HS6ST2: variants seen among roughly 807,000 people sequenced by gnomAD.
HS6ST2 encodes heparan sulfate 6-O-sulfotransferase 2.
In HS6ST2, 17 loss-of-function variants were observed where a neutral mutation model predicts 33.0. That is an observed-to-expected ratio of 0.52 (90% CI 0.35 to 0.77). The LOEUF is 0.77. HS6ST2 is among the 30% of genes least tolerant of loss of function. HS6ST2 has a pLI of 0.01. For missense variants in HS6ST2, 519 were observed against 551.7 expected (o/e 0.94, Z 0.59); for synonymous variants, 248 against 237.1 (o/e 1.05, Z -0.42).
chrX:132,859,754 AAGGAAGGGAGGG>A (rs1483753894), intron 2 of HS6ST2, among the ~76,000 whole-genome samples: 2 of 86,266 alleles, frequency 2.3e-5, no homozygotes, highest in Admixed American at 1.3e-4. Context: ...GAAAGAAAGG[AAGGAAGGGAGGG>A]AGGAAGGGAG....
In HS6ST2 at chrX:132,821,402, C is replaced by T. The variant is rs757461771; in HGVS notation, c.948-112908G>A. ...TAATTTTTTGTATTTTTAGTAGAGA[C>T]GGGGTTTCACCGTGTTAGCCAGGAT... On this transcript the variant is annotated intron_variant, in intron 2 of 4. Coordinates refer to ENST00000370833, the MANE Select transcript of HS6ST2 (RefSeq NM_001394073.1). Among the ~76,000 whole-genome samples, 111 of 109,121 alleles carry T rather than the reference C, an allele frequency of 1.0e-3. 1 individual carries two copies. The highest frequency in any genetic ancestry group is 1.8e-3 in the Admixed American group (18 of 10,199). The allele number at this position is 109,121 out of a possible 115,157, so 94.8% of individuals were successfully genotyped here. A position where few individuals can be genotyped will look rare whatever the true frequency, so the allele number is the denominator to read the frequency against.
At chrX:132,725,995 T>C (rs2064388278) in intron 2 of HS6ST2, among the ~76,000 whole-genome samples, 2 of 107,377 alleles carry the variant, frequency 1.9e-5, no homozygotes, top group African/African-American at 3.4e-5. Flanking sequence ...AGTGGAGGGA[T>C]AGTTACCAGA....
intron 2 of HS6ST2, among the ~76,000 whole-genome samples, chrX:132,813,556 C>T (rs1205979183): frequency 2.7e-5 from 3 of 111,785 alleles, no homozygotes; most frequent in African/African-American, 9.8e-5. Context: ...CCTTCCTTTT[C>T]TAAACCGATG....
intron 3 of HS6ST2, among the ~76,000 whole-genome samples, chrX:132,694,534 C>G (rs964509723): frequency 3.6e-5 from 4 of 111,390 alleles, no homozygotes; most frequent in Non-Finnish European, 7.5e-5. Context: ...TTGCAGGAAC[C>G]TTGCAGGGTT....
intron 2 of HS6ST2, among the ~76,000 whole-genome samples, chrX:132,895,417 T>C (rs187516543): frequency 9.3e-4 from 104 of 111,626 alleles, no homozygotes; most frequent in African/African-American, 3.3e-3. Flanking sequence ...ATGTCATGTA[T>C]ACTTCTCTTC....
intron 2 of HS6ST2, among the ~76,000 whole-genome samples, chrX:132,772,804 T>G (rs1569489095): frequency 2.2e-5 from 2 of 91,416 alleles, no homozygotes; most frequent in Non-Finnish European, 2.0e-5. Context: ...TAATATAAAA[T>G]ATAATATATA....
intron 2 of HS6ST2, among the ~76,000 whole-genome samples, chrX:132,920,603 G>C (rs1226427715): frequency 9.0e-6 from 1 of 111,555 alleles, no homozygotes; most frequent in Non-Finnish European, 1.9e-5. Context: ...TGATTTAAAA[G>C]AAAAAAAACA....
intron 2 of HS6ST2, among the ~76,000 whole-genome samples, chrX:132,918,133 T>C (rs2066612976): frequency 8.9e-6 from 1 of 112,756 alleles, no homozygotes; most frequent in Admixed American, 9.4e-5. Flanking sequence ...TCAACTCCTA[T>C]TTCATTGCAT....
At chrX:132,913,083 G>A (rs763282535) in intron 2 of HS6ST2, among the ~76,000 whole-genome samples, 7 of 110,973 alleles carry the variant, frequency 6.3e-5, no homozygotes, top group South Asian at 7.7e-4. Flanking sequence ...ACCACCACTC[G>A]AGGGCTGGCC....
intron 2 of HS6ST2, among the ~76,000 whole-genome samples, chrX:132,796,385 T>C (rs1276360951): frequency 8.9e-6 from 1 of 112,480 alleles, no homozygotes; most frequent in Non-Finnish European, 1.9e-5. Context: ...GATGGCACCA[T>C]AACTGAGTCT....
chrX:132,746,962 A>G (rs753331083), intron 2 of HS6ST2, among the ~76,000 whole-genome samples: 2 of 112,286 alleles, frequency 1.8e-5, no homozygotes, highest in East Asian at 5.6e-4. Context: ...ACAAGAGTCA[A>G]ACTTTTGTTA....
chrX:132,917,801 A>G (rs1311497647), intron 2 of HS6ST2, among the ~76,000 whole-genome samples: 2 of 111,570 alleles, frequency 1.8e-5, no homozygotes, highest in Non-Finnish European at 3.8e-5. Flanking sequence ...CCCACAGGAG[A>G]GGGAATGTGT....
intron 2 of HS6ST2, among the ~76,000 whole-genome samples, chrX:132,906,202 T>C (rs1165668702): frequency 8.9e-6 from 1 of 112,532 alleles, no homozygotes; most frequent in Admixed American, 9.4e-5. Context: ...TGCTTCTCAA[T>C]AAAGCTTTAT....
chrX:132,857,781 T>C (rs2065868083), intron 2 of HS6ST2, among the ~76,000 whole-genome samples: 1 of 111,637 alleles, frequency 9.0e-6, no homozygotes, highest in African/African-American at 3.3e-5. Context: ...TCTGTTTAGG[T>C]TCATTGGAAC....
chrX:132,922,145 G>A (rs1381342599), intron 2 of HS6ST2, among the ~76,000 whole-genome samples: 2 of 111,738 alleles, frequency 1.8e-5, no homozygotes, highest in Non-Finnish European at 3.8e-5. Context: ...GCTCACGCCT[G>A]TAATCCCAGC....
intron 2 of HS6ST2, among the ~76,000 whole-genome samples, chrX:132,736,427 C>T (rs897407989): frequency 8.9e-6 from 1 of 111,784 alleles, no homozygotes; most frequent in African/African-American, 3.3e-5. Context: ...TTAGGTTTAA[C>T]GTCTTTTAAG....
intron 2 of HS6ST2, among the ~76,000 whole-genome samples, chrX:132,895,403 TA>T (rs1181251486): frequency 1.8e-4 from 20 of 111,718 alleles, no homozygotes; most frequent in African/African-American, 6.2e-4. Flanking sequence ...GAAATCATTC[TA>T]AAATGTCATG....
intron 2 of HS6ST2, among the ~76,000 whole-genome samples, chrX:132,947,873 G>T (rs561526117): frequency 9.0e-6 from 1 of 111,391 alleles, no homozygotes; most frequent in South Asian, 3.8e-4. Context: ...TGCTTGCATT[G>T]ACTCTCCTGT....
At chrX:132,649,546 G>A (rs2063673139) in intron 4 of HS6ST2, among the ~76,000 whole-genome samples, 1 of 112,095 alleles carries the variant, frequency 8.9e-6, no homozygotes. Context: ...CATTCTACAT[G>A]GGTTATCTCA....
Sources: gnomAD v4.1 joint callset for allele counts (sites outside exome capture counted in the v4.1 genomes callset) on GRCh38, gnomAD v4.1.1 for gene constraint, MANE v1.5 for transcripts, NCBI Gene and HGNC (gene_info 2026-07-23, HGNC 2026-07-21) for gene names.